SPMIP4: variants seen among roughly 807,000 people sequenced by gnomAD.
SPMIP4 encodes sperm-associated microtubule inner protein 4.
At chr7:25,156,708 G>T in the SPMIP4 span, among the ~76,000 whole-genome samples, 607 of 152,212 alleles carry the variant, frequency 4.0e-3, 7 homozygotes, top group African/African-American at 0.014. Flanking sequence ...TTATTTTTGA[G>T]ACAGAGTCTT....
chr7:25,166,915 T>TA, the SPMIP4 span, among the ~76,000 whole-genome samples: 2 of 152,080 alleles, frequency 1.3e-5, no homozygotes, highest in African/African-American at 2.4e-5. Context: ...AATTAAGAGA[T>TA]ATGCAAGTGT....
the SPMIP4 span, among the ~76,000 whole-genome samples, chr7:25,175,185 T>C: frequency 2.0e-5 from 3 of 152,154 alleles, no homozygotes; most frequent in Non-Finnish European, 1.5e-5. Context: ...TCAGGTGATT[T>C]TGAAGTACCC....
the SPMIP4 span, among the ~76,000 whole-genome samples, chr7:25,132,489 T>C: frequency 3.9e-5 from 6 of 152,194 alleles, no homozygotes; most frequent in African/African-American, 1.4e-4. The surrounding 1 kb of genome is among the most constrained non-coding windows in gnomAD (Gnocchi z 5.0). Flanking sequence ...AAAGTAAAAG[T>C]AGAGGTTGTA....
the SPMIP4 span, chr7:25,136,509 T>C: frequency 6.2e-7 from 1 of 1,614,206 alleles, no homozygotes; most frequent in Non-Finnish European, 8.5e-7. This position sits in a 1 kb window ranked among gnomAD's most constrained non-coding sequence, Gnocchi z 5.7. Context: ...GGTAACAAGA[T>C]GGGAGTTCAT....
chr7:25,171,197 G>C, the SPMIP4 span, among the ~76,000 whole-genome samples: 1 of 152,156 alleles, frequency 6.6e-6, no homozygotes, highest in African/African-American at 2.4e-5. Context: ...TCCTAAATTG[G>C]TTGGTAGGGC....
chr7:25,135,866 C>T, the SPMIP4 span: 1 of 1,452,210 alleles, frequency 6.9e-7, no homozygotes, highest in South Asian at 1.6e-5. Context: ...CTAACAAGGT[C>T]CTTGTGGTTT....
the SPMIP4 span, among the ~76,000 whole-genome samples, chr7:25,159,539 A>C: frequency 6.6e-6 from 1 of 152,220 alleles, no homozygotes; most frequent in Non-Finnish European, 1.5e-5. Flanking sequence ...AAATGAACAG[A>C]ATGTTATCAA....
the SPMIP4 span, among the ~76,000 whole-genome samples, chr7:25,172,487 G>A: frequency 6.6e-6 from 1 of 152,216 alleles, no homozygotes; most frequent in Non-Finnish European, 1.5e-5. The surrounding 1 kb of genome is among the most constrained non-coding windows in gnomAD (Gnocchi z 4.2). Context: ...ATGTAGCATG[G>A]CATGGTGTGA....
chr7:25,173,914 T>A, the SPMIP4 span, among the ~76,000 whole-genome samples: 1 of 152,208 alleles, frequency 6.6e-6, no homozygotes, highest in South Asian at 2.1e-4. This position sits in a 1 kb window ranked among gnomAD's most constrained non-coding sequence, Gnocchi z 4.4. Context: ...TAAGTCATAT[T>A]TCCCTCTTAC....
chr7:25,172,449 G>A, the SPMIP4 span, among the ~76,000 whole-genome samples: 1 of 152,196 alleles, frequency 6.6e-6, no homozygotes, highest in Non-Finnish European at 1.5e-5. The surrounding 1 kb of genome is among the most constrained non-coding windows in gnomAD (Gnocchi z 4.2). Flanking sequence ...GAATGTGGAA[G>A]TTATGGCTAA....
At chr7:25,142,176 G>T in the SPMIP4 span, 1 of 1,182,862 alleles carries the variant, frequency 8.5e-7, no homozygotes, top group Non-Finnish European at 1.2e-6. Context: ...CACAAAAAGT[G>T]GCAAAGCAAG....
chr7:25,133,324 G>C, the SPMIP4 span, among the ~76,000 whole-genome samples: 1 of 152,210 alleles, frequency 6.6e-6, no homozygotes, highest in Admixed American at 6.5e-5. Context: ...GCCAGTGTAT[G>C]AAAGCACTTA....
At chr7:25,127,692 C>T in the SPMIP4 span, among the ~76,000 whole-genome samples, 1 of 151,976 alleles carries the variant, frequency 6.6e-6, no homozygotes, top group Non-Finnish European at 1.5e-5. Flanking sequence ...GTCACTTGTG[C>T]CTTCATTAGT....
the SPMIP4 span, among the ~76,000 whole-genome samples, chr7:25,133,956 T>C: frequency 6.6e-6 from 1 of 152,134 alleles, no homozygotes; most frequent in African/African-American, 2.4e-5. Context: ...ACGTTGCCAA[T>C]GTATGACAAA....
chr7:25,177,810 T>TA, the SPMIP4 span, among the ~76,000 whole-genome samples: 7 of 152,046 alleles, frequency 4.6e-5, no homozygotes, highest in Non-Finnish European at 1.0e-4. Flanking sequence ...TTTTTTTTTT[T>TA]AAACTTTTTT....
At chr7:25,158,439 G>GA in the SPMIP4 span, 3 of 1,232,918 alleles carry the variant, frequency 2.4e-6, no homozygotes, top group Middle Eastern at 2.0e-4. Flanking sequence ...TAAGACATAG[G>GA]AAATGTCAAT....
chr7:25,142,786 G>T, the SPMIP4 span: 235,634 of 1,555,872 alleles, frequency 0.15, 20,733 homozygotes, highest in African/African-American at 0.4. Flanking sequence ...GTAGAATACT[G>T]GCTTATTTTT....
At chr7:25,138,181 TTTG>T in the SPMIP4 span, among the ~76,000 whole-genome samples, 2 of 152,154 alleles carry the variant, frequency 1.3e-5, no homozygotes, top group Admixed American at 6.5e-5. The surrounding 1 kb of genome is among the most constrained non-coding windows in gnomAD (Gnocchi z 6.2). Context: ...TGTGTATTCT[TTTG>T]TTCTTAATCA....
At chr7:25,161,331 G>A in the SPMIP4 span, 3 of 779,692 alleles carry the variant, frequency 3.8e-6, no homozygotes, top group Non-Finnish European at 6.1e-6. Flanking sequence ...GATAGTAAAA[G>A]ACAAATAGAT....
Sources: gnomAD v4.1 joint callset for allele counts (sites outside exome capture counted in the v4.1 genomes callset) on GRCh38, gnomAD v4.1.1 for gene constraint, Gnocchi (gnomAD v3.1) non-coding constraint, MANE v1.5 for transcripts, NCBI Gene and HGNC (gene_info 2026-07-23, HGNC 2026-07-21) for gene names.